Variants in ZNF678 observed in about 807,000 individuals in gnomAD.
ZNF678 encodes hypothetical protein MGC42493.
ZNF678 carries 5 observed loss-of-function variants against 3.0 expected under a neutral mutation model. The observed-to-expected ratio is 1.69, with a 90% CI of 0.88 to 3.56. The LOEUF is 3.56. Among genes scored for constraint, ZNF678 ranks in the 30% most tolerant of loss-of-function variants. The pLI, the probability that ZNF678 is intolerant of heterozygous loss-of-function variation, is 0.00. For missense variants in ZNF678, 593 were observed against 605.0 expected (o/e 0.98, Z 0.21); for synonymous variants, 218 against 199.6 (o/e 1.09, Z -0.78).
At chr1:227,669,286 C>T (rs1659559969) in intron 5 of ZNF678, among the ~76,000 whole-genome samples, 1 of 152,116 alleles carries the variant, frequency 6.6e-6, no homozygotes, top group African/African-American at 2.4e-5. Flanking sequence ...GTAAGACATA[C>T]AAGTGGCCAA....
intron 1 of ZNF678, among the ~76,000 whole-genome samples, chr1:227,586,451 T>A (rs1481348230): frequency 6.6e-6 from 1 of 152,140 alleles, no homozygotes; most frequent in Non-Finnish European, 1.5e-5. Flanking sequence ...ATAGGGATTT[T>A]AAAAAAGTCA....
chr1:227,585,213 T>C (rs1171773217), intron 1 of ZNF678, among the ~76,000 whole-genome samples: 1 of 152,212 alleles, frequency 6.6e-6, no homozygotes, highest in Non-Finnish European at 1.5e-5. Flanking sequence ...AGATCTGTTA[T>C]GTTAAACATG....
rs1220307795 is a variant in ZNF678 at position 227,656,443 on chromosome 1, GAT to G, written c.*619_*620del. 6.6e-6 allele frequency: 1 copy of G among 151,458 alleles called. No individual in the cohort carries two copies. The highest frequency in any genetic ancestry group is 1.5e-5 in the Non-Finnish European group (1 of 67,736). 9.4% of individuals were successfully genotyped at this position (151,458 alleles called of 1,614,324 possible). On this transcript the variant is annotated 3_prime_UTR_variant, in exon 4 of 4. Coordinates refer to ENST00000343776, the MANE Select transcript of ZNF678 (RefSeq NM_001367909.1). ...ATTTTTGATTATATATTTTAATATT[GAT>G]ATAATTCATATCTCAAATAACTTGA...
intron 1 of ZNF678, among the ~76,000 whole-genome samples, chr1:227,584,158 C>G (rs1051547995): frequency 1.3e-5 from 2 of 152,164 alleles, no homozygotes; most frequent in Admixed American, 6.5e-5. Context: ...GAGCTTTATA[C>G]TGTCATTGGG....
intron 5 of ZNF678, among the ~76,000 whole-genome samples, chr1:227,668,991 A>G (rs1659554749): frequency 1.3e-5 from 2 of 152,138 alleles, no homozygotes; most frequent in Admixed American, 1.3e-4. Context: ...CCTCCTCAAC[A>G]TCGACTTTGG....
At chr1:227,667,913 A>T (rs1411699869) in intron 5 of ZNF678, among the ~76,000 whole-genome samples, 2 of 152,220 alleles carry the variant, frequency 1.3e-5, no homozygotes, top group Non-Finnish European at 2.9e-5. Flanking sequence ...AAGCTAAGGT[A>T]TTCAGATTCA....
chr1:227,565,220 T>C (rs4653855), intron 1 of ZNF678, among the ~76,000 whole-genome samples: 150,064 of 152,180 alleles, frequency 0.99, 74,024 homozygotes, highest in Middle Eastern at 1. Context: ...CGTGCGCCAC[T>C]ACACCTGGCT....
chr1:227,678,171 G>A (rs1659714707), downstream of ZNF678, among the ~76,000 whole-genome samples: 1 of 152,154 alleles, frequency 6.6e-6, no homozygotes, highest in Non-Finnish European at 1.5e-5. Flanking sequence ...TTGAGACAGG[G>A]TATGGGGATA....
intron 1 of ZNF678, among the ~76,000 whole-genome samples, chr1:227,630,758 C>T (rs1423137406): frequency 1.3e-5 from 2 of 152,058 alleles, no homozygotes; most frequent in Non-Finnish European, 2.9e-5. Flanking sequence ...GCTTTTGGAC[C>T]ATTTGGGTTG....
intron 1 of ZNF678, among the ~76,000 whole-genome samples, chr1:227,630,341 C>T (rs1323465015): frequency 1.3e-5 from 2 of 152,164 alleles, no homozygotes; most frequent in Non-Finnish European, 2.9e-5. Context: ...TTCTGCATCC[C>T]AATGGGGGTC....
intron 1 of ZNF678, among the ~76,000 whole-genome samples, chr1:227,594,578 ATTT>A (rs1558136740): frequency 6.6e-6 from 1 of 152,220 alleles, no homozygotes; most frequent in Non-Finnish European, 1.5e-5. Context: ...AAGTATACAT[ATTT>A]TTAACCTTTT....
Position 227,646,543 on chromosome 1 carries a change from G to A in ZNF678, c.-163-1G>A. 2 of 1,370,130 alleles carry A rather than the reference G, an allele frequency of 1.5e-6. No homozygotes were observed. Among genetic ancestry groups the A allele is most frequent in the African/African-American group, 1.5e-5 (1 of 67,560 alleles). The allele number at this position is 1,370,130 out of a possible 1,614,324, so 84.9% of individuals were successfully genotyped here. ...TACGTGTGTATTTTTCCCCCCCCCA[G>A]GGACTACTGGCATTCAGTGATGTGG... On this transcript the variant is annotated splice_acceptor_variant, in intron 1 of 3. Coordinates refer to ENST00000343776, the MANE Select transcript of ZNF678 (RefSeq NM_001367909.1). LOFTEE classifies it low-confidence loss of function (5UTR_SPLICE).
At chr1:227,667,859 A>G (rs1405897099) in intron 5 of ZNF678, among the ~76,000 whole-genome samples, 5 of 152,344 alleles carry the variant, frequency 3.3e-5, no homozygotes, top group South Asian at 4.1e-4. Context: ...CACATTAACC[A>G]TGAAATTATA....
At position 227,655,380 on chromosome 1, in the gene ZNF678, A is replaced by C. The variant is rs779480176; in HGVS notation, c.1130A>C (p.Tyr377Ser). The change falls in exon 4 of 4, where the codon TAC (tyrosine) becomes TCC (serine). Residue 377 changes from tyrosine (Y) to serine (S), a missense_variant. Coordinates refer to ENST00000343776, the MANE Select transcript of ZNF678 (RefSeq NM_001367909.1). ...HKRIHTGEKP[Y>S]KCKECGKAFN... ...AGAATTCATACTGGAGAGAAACCCT[A>C]CAAATGCAAAGAATGTGGCAAAGCG... is the stretch of plus-strand genomic sequence containing the variant. 1 of 1,612,598 alleles carries C rather than the reference A, an allele frequency of 6.2e-7. No individual in the cohort carries two copies. The highest frequency in any genetic ancestry group is 2.2e-5 in the East Asian group (1 of 44,836).
chr1:227,619,787 C>T (rs1158714602), intron 1 of ZNF678, among the ~76,000 whole-genome samples: 1 of 152,062 alleles, frequency 6.6e-6, no homozygotes, highest in Non-Finnish European at 1.5e-5. Flanking sequence ...CCTGAGGTTG[C>T]AATTTTTTGA....
At chr1:227,596,833 T>A (rs920139275) in intron 1 of ZNF678, among the ~76,000 whole-genome samples, 4 of 152,150 alleles carry the variant, frequency 2.6e-5, no homozygotes, top group African/African-American at 9.7e-5. Context: ...CAGAACATAT[T>A]GGCATGACAA....
Position 227,654,525 on chromosome 1 carries a change from C to A in ZNF678, c.275C>A (p.Thr92Asn), listed in dbSNP as rs764909397. Residue 92 changes from threonine to asparagine, a missense_variant, in exon 4 of 4, where the codon ACT (threonine) becomes AAT (asparagine). Thr to Asn is a moderately conservative substitution (Grantham distance 65). Coordinates refer to ENST00000343776, the MANE Select transcript of ZNF678 (RefSeq NM_001367909.1). ...YCNRLTQCSS[T>N]KSKIFQCIEC... ...AATAGACTTACTCAATGTTCATCAA[C>A]TAAAAGCAAAATCTTTCAATGTATT... 9 of 1,613,304 alleles carry A rather than the reference C, an allele frequency of 5.6e-6. No individual in the cohort carries two copies. The South Asian group carries it at 8.8e-5, about 16-fold the overall frequency.
downstream of ZNF678, among the ~76,000 whole-genome samples, chr1:227,663,264 T>A (rs1354454506): frequency 6.6e-6 from 1 of 152,228 alleles, no homozygotes; most frequent in Non-Finnish European, 1.5e-5. Flanking sequence ...TATAGTTTGT[T>A]AAGACACATA....
chr1:227,643,950 G>A (rs866983967), intron 1 of ZNF678, among the ~76,000 whole-genome samples: 12 of 141,250 alleles, frequency 8.5e-5, no homozygotes, highest in South Asian at 2.3e-4. Flanking sequence ...TGCAATCCCC[G>A]CCCTCCGGGT....
Sources: gnomAD v4.1 joint callset for allele counts (sites outside exome capture counted in the v4.1 genomes callset) on GRCh38, gnomAD v4.1.1 for gene constraint, MANE v1.5 for transcripts, NCBI Gene and HGNC (gene_info 2026-07-23, HGNC 2026-07-21) for gene names.